NOL4: variants seen among roughly 807,000 people sequenced by gnomAD.
NOL4 encodes cancer/testis antigen 125.
Under a neutral mutation model 75.9 loss-of-function variants are expected in NOL4, and 17 were observed. The ratio of observed to expected loss-of-function variants is 0.22; its 90% CI spans 0.15 to 0.34. NOL4 has a LOEUF of 0.34. NOL4 is among the 10% of genes least tolerant of loss of function. NOL4 has a pLI of 1.00. For missense variants in NOL4, 614 were observed against 793.5 expected, an observed-to-expected ratio of 0.77 and a Z score of 2.72; for synonymous variants, 292 against 289.9, an observed-to-expected ratio of 1.01 and a Z score of -0.07.
At chr18:33,856,910 C>T (rs996086110) in intron 10 of NOL4, among the ~76,000 whole-genome samples, 2 of 151,950 alleles carry the variant, frequency 1.3e-5, no homozygotes, top group Admixed American at 6.6e-5. Flanking sequence ...TGAGCTTCAC[C>T]GTTAGTGTTC....
chr18:33,905,846 G>A (rs1039778453), intron 9 of NOL4, among the ~76,000 whole-genome samples: 3 of 152,152 alleles, frequency 2.0e-5, no homozygotes, highest in African/African-American at 7.2e-5. Context: ...AGGTCAAATG[G>A]TTTTATTCCA....
chr18:34,120,854 C>T (rs1288761903), intron 2 of NOL4, among the ~76,000 whole-genome samples: 1 of 152,030 alleles, frequency 6.6e-6, no homozygotes, highest in Non-Finnish European at 1.5e-5. Context: ...TTCTAGGGCA[C>T]CATCAGATGA....
At chr18:33,967,337 T>A (rs1276863607) in intron 6 of NOL4, among the ~76,000 whole-genome samples, 1 of 152,108 alleles carries the variant, frequency 6.6e-6, no homozygotes, top group Non-Finnish European at 1.5e-5. Flanking sequence ...CAAAGTGGAT[T>A]AAATGTAAGA....
At chr18:34,136,259 C>G (rs191543401) in intron 1 of NOL4, among the ~76,000 whole-genome samples, 1,741 of 152,232 alleles carry the variant, frequency 0.011, 19 homozygotes, top group Non-Finnish European at 0.018. Context: ...AGACTGAATG[C>G]TTTCCTCCTA....
At chr18:33,876,995 T>G (rs1475381921) in intron 10 of NOL4, among the ~76,000 whole-genome samples, 1 of 152,102 alleles carries the variant, frequency 6.6e-6, no homozygotes, top group Non-Finnish European at 1.5e-5. Context: ...AAAGCTTTTG[T>G]TTGCCAAGAT....
intron 5 of NOL4, among the ~76,000 whole-genome samples, chr18:34,060,740 C>A (rs547044545): frequency 6.6e-6 from 1 of 152,204 alleles, no homozygotes; most frequent in East Asian, 1.9e-4. Context: ...ATCTGTGAGA[C>A]AACACTGTAA....
chr18:34,211,467 C>A (rs1464426354), intron 1 of NOL4, among the ~76,000 whole-genome samples: 1 of 152,116 alleles, frequency 6.6e-6, no homozygotes, highest in African/African-American at 2.4e-5. Flanking sequence ...CTAGTATGAC[C>A]AGGCTAGGCC....
At position 34,032,015 on chromosome 18, in the gene NOL4, G is replaced by A. The variant is rs147929529; in HGVS notation, c.773-12414C>T. Among the ~76,000 whole-genome samples, 92 of 152,306 alleles carry A rather than the reference G, an allele frequency of 6.0e-4. 2 individuals carry two copies. Among genetic ancestry groups the A allele is most frequent in the South Asian group, 3.3e-3 (16 of 4,820 alleles). On this transcript the variant is annotated intron_variant, in intron 5 of 10. Transcript: ENST00000261592. Reference sequence around the variant, plus strand: ...CAGTGGCAACACACTGCACTCTTCCGGGGACTAGTGGTGCTGCAGCTGAGG... The same window carrying A: ...CAGTGGCAACACACTGCACTCTTCCAGGGACTAGTGGTGCTGCAGCTGAGG...
chr18:33,985,991 C>T (rs1426569523), intron 6 of NOL4, among the ~76,000 whole-genome samples: 3 of 151,924 alleles, frequency 2.0e-5, no homozygotes, highest in Non-Finnish European at 4.4e-5. Context: ...AACTTTTCAT[C>T]AAATAAACCT....
At chr18:34,153,966 C>G (rs2029878758) in intron 1 of NOL4, among the ~76,000 whole-genome samples, 1 of 152,004 alleles carries the variant, frequency 6.6e-6, no homozygotes, top group South Asian at 2.1e-4. Flanking sequence ...CTTAATCACA[C>G]AGCCATATGT....
chr18:33,994,921 A>T (rs1197182458), intron 6 of NOL4, among the ~76,000 whole-genome samples: 2 of 151,606 alleles, frequency 1.3e-5, no homozygotes, highest in Non-Finnish European at 3.0e-5. Context: ...AGAAAGAAAA[A>T]CTAATGTTCC....
chr18:34,001,929 T>A (rs141028333), intron 6 of NOL4: 1 of 152,298 alleles, frequency 6.6e-6, no homozygotes, highest in African/African-American at 2.4e-5. Flanking sequence ...TGTGAAAGCA[T>A]GGACTAGGAG....
intron 5 of NOL4, among the ~76,000 whole-genome samples, chr18:34,079,705 T>C (rs1159739701): frequency 1.3e-5 from 2 of 152,042 alleles, no homozygotes; most frequent in Admixed American, 6.6e-5. Context: ...TAACTTCTTT[T>C]GGAAGAAAAA....
At chr18:33,970,669 TAGATA>T (rs1250180932) in intron 6 of NOL4, among the ~76,000 whole-genome samples, 1 of 152,168 alleles carries the variant, frequency 6.6e-6, no homozygotes, top group Admixed American at 6.6e-5. Context: ...TACAGAATGT[TAGATA>T]AATCTATATA....
intron 6 of NOL4, among the ~76,000 whole-genome samples, chr18:33,984,348 C>G (rs975881783): frequency 6.6e-6 from 1 of 152,040 alleles, no homozygotes; most frequent in Non-Finnish European, 1.5e-5. Context: ...AAATATCCCT[C>G]TAGGTTGGTG....
intron 5 of NOL4, among the ~76,000 whole-genome samples, chr18:34,053,414 G>C (rs554244727): frequency 1.4e-3 from 206 of 152,010 alleles, no homozygotes; most frequent in Admixed American, 4.9e-3. Context: ...ATCTCAGCTG[G>C]GACAACCAGT....
At chr18:34,034,139 A>T (rs2075773555) in intron 5 of NOL4, among the ~76,000 whole-genome samples, 1 of 152,208 alleles carries the variant, frequency 6.6e-6, no homozygotes, top group Non-Finnish European at 1.5e-5. Flanking sequence ...CAAATGAGGA[A>T]GAGAAAGGAC....
intron 10 of NOL4, among the ~76,000 whole-genome samples, chr18:33,882,378 A>C (rs1274543723): frequency 6.6e-6 from 1 of 152,136 alleles, no homozygotes; most frequent in Non-Finnish European, 1.5e-5. Context: ...AAACAACCCC[A>C]CCAAAAAGTG....
At chr18:34,203,032 A>G (rs2035845147) in intron 1 of NOL4, among the ~76,000 whole-genome samples, 1 of 152,036 alleles carries the variant, frequency 6.6e-6, no homozygotes, top group Non-Finnish European at 1.5e-5. Context: ...CTGAAATCAG[A>G]CCAGCTATCC....
Sources: allele counts gnomAD v4.1 joint callset (sites outside exome capture counted in the v4.1 genomes callset), GRCh38; gene constraint gnomAD v4.1.1; transcripts MANE v1.5; gene names NCBI Gene and HGNC (gene_info 2026-07-23, HGNC 2026-07-21).